Variants in AKAP7 observed in about 807,000 individuals in gnomAD.
AKAP7 encodes A-kinase anchoring protein 7.
A neutral mutation model predicts 39.5 loss-of-function variants in AKAP7; 39 were observed. That is an observed-to-expected ratio of 0.99 (90% CI 0.76 to 1.29). AKAP7 has a LOEUF of 1.29. Among genes scored for constraint, AKAP7 ranks in the 50% most tolerant of loss-of-function variants. AKAP7 has a pLI of 0.00. For missense variants in AKAP7, 414 were observed against 407.7 expected, an observed-to-expected ratio of 1.02 and a Z score of -0.13; for synonymous variants, 140 against 139.1, an observed-to-expected ratio of 1.01 and a Z score of -0.05.
Position 131,199,554 on chromosome 6 carries a change from C to G in AKAP7, c.683C>G (p.Ser228Ter), listed in dbSNP as rs1807312993. The G allele has an allele frequency of 6.2e-7, 1 of 1,607,200 alleles. No individual in the cohort carries two copies. The highest frequency in any genetic ancestry group is 1.3e-5 in the African/African-American group (1 of 74,756). Residue 228 changes from serine (S) to a stop codon, truncating the protein, a stop_gained, in exon 6 of 8, where the codon TCA becomes TGA. Transcript: ENST00000431975. LOFTEE classifies it high-confidence loss of function. Reference sequence around the variant, plus strand: ...TTGACCTTCATGAAGTTGTCAAAATCACCGTGGCTCCGTAAGAATGTGAGT... The same window carrying G: ...TTGACCTTCATGAAGTTGTCAAAATGACCGTGGCTCCGTAAGAATGTGAGT... ...PHLTFMKLSKSPWLRKNGVKK... is the reference protein window; with the variant it reads ...PHLTFMKLSK
intron 5 of AKAP7, among the ~76,000 whole-genome samples, chr6:131,194,934 G>A (rs940494119): frequency 2.0e-5 from 3 of 151,992 alleles, no homozygotes; most frequent in South Asian, 2.1e-4. Context: ...CATCTTTATA[G>A]GTGAAGTGTG....
At chr6:131,190,706 G>A (rs1400406732) in intron 5 of AKAP7, among the ~76,000 whole-genome samples, 2 of 151,358 alleles carry the variant, frequency 1.3e-5, no homozygotes, top group Non-Finnish European at 2.9e-5. Flanking sequence ...ATTTAAGATT[G>A]TTATAGCAAA....
intron 7 of AKAP7, among the ~76,000 whole-genome samples, chr6:131,240,105 T>G (rs1172772014): frequency 2.6e-5 from 4 of 152,242 alleles, no homozygotes; most frequent in Non-Finnish European, 5.9e-5. Flanking sequence ...TCCTTTCTGT[T>G]TGTTAGTTTT....
At chr6:131,208,758 C>T (rs951792389) in intron 6 of AKAP7, among the ~76,000 whole-genome samples, 2 of 151,840 alleles carry the variant, frequency 1.3e-5, no homozygotes, top group Non-Finnish European at 2.9e-5. Context: ...TCTTTTTTTC[C>T]CCCCATGTTA....
At chr6:131,184,479 G>T (rs1387115581) in intron 5 of AKAP7, 1 of 669,404 alleles carries the variant, frequency 1.5e-6, no homozygotes, top group Non-Finnish European at 2.8e-6. Context: ...AAGCCCAGCT[G>T]GTCATCATCT....
intron 5 of AKAP7, among the ~76,000 whole-genome samples, chr6:131,173,224 G>GA (rs1804252977): frequency 6.7e-6 from 1 of 149,914 alleles, no homozygotes; most frequent in African/African-American, 2.4e-5. Context: ...AAAGAAAAAA[G>GA]AAAAAATTCT....
chr6:131,260,453 C>T (rs199883497), intron 7 of AKAP7, among the ~76,000 whole-genome samples: 13 of 152,144 alleles, frequency 8.5e-5, no homozygotes, highest in East Asian at 3.8e-4. Flanking sequence ...TCTCCAGCCT[C>T]GCCAGCATCT....
chr6:131,183,720 A>G (rs370050721), intron 5 of AKAP7, among the ~76,000 whole-genome samples: 1 of 152,104 alleles, frequency 6.6e-6, no homozygotes, highest in African/African-American at 2.4e-5. Flanking sequence ...GTGGACTGGG[A>G]CAGGGCAGAG....
intron 5 of AKAP7, chr6:131,184,779 G>T: frequency 1.5e-6 from 2 of 1,302,238 alleles, no homozygotes; most frequent in Non-Finnish European, 2.2e-6. Flanking sequence ...AGTCTTCTTT[G>T]TCCTCGCCCT....
intron 2 of AKAP7, among the ~76,000 whole-genome samples, chr6:131,152,114 T>C (rs1447053167): frequency 6.6e-6 from 1 of 152,192 alleles, no homozygotes; most frequent in Non-Finnish European, 1.5e-5. Flanking sequence ...TTACTACACA[T>C]TAAAATGGCT....
intron 5 of AKAP7, chr6:131,184,732 T>C (rs1208780305): frequency 5.4e-6 from 5 of 925,724 alleles, no homozygotes; most frequent in Non-Finnish European, 7.2e-6. Flanking sequence ...GGATTTCTGT[T>C]CCTCAGACCT....
intron 3 of AKAP7, among the ~76,000 whole-genome samples, chr6:131,163,985 T>C (rs1211526894): frequency 6.6e-6 from 1 of 151,948 alleles, no homozygotes; most frequent in Non-Finnish European, 1.5e-5. Flanking sequence ...AAAGTTTTGG[T>C]CAAAGGAGAG....
rs1197403902 is a variant in AKAP7, at chr6:131,169,142, CA to C, written c.459del (p.Phe154SerfsTer2). On this transcript the variant is annotated frameshift_variant, in exon 5 of 8. Coordinates refer to ENST00000431975, the MANE Select transcript of AKAP7 (RefSeq NM_016377.4). LOFTEE classifies it high-confidence loss of function. ...ATTGATGCTCTTTTGGAATTGAAAC[CA>C]TTCATAGAAGAACTCCTCCAGGGAA... ...IGIDALLELKPFIEELLQGKH... is the reference protein window; with the variant it reads ...IGIDALLELKXFIEELLQGKH... The C allele has an allele frequency of 6.2e-7, 1 of 1,612,854 alleles. No homozygotes were observed. The highest frequency in any genetic ancestry group is 8.5e-7 in the Non-Finnish European group (1 of 1,179,104).
intron 5 of AKAP7, chr6:131,184,970 A>G (rs548161262): frequency 9.6e-5 from 74 of 774,014 alleles, no homozygotes; most frequent in Non-Finnish European, 1.6e-4. Context: ...GCTTGGGAGC[A>G]TCTTCACAGT....
At chr6:131,256,284 C>T (rs1016995362) in intron 7 of AKAP7, among the ~76,000 whole-genome samples, 3 of 152,054 alleles carry the variant, frequency 2.0e-5, no homozygotes, top group African/African-American at 7.2e-5. Flanking sequence ...TTAGATTTTC[C>T]CTTTATTAAA....
chr6:131,257,979 C>T (rs143120026), intron 7 of AKAP7, among the ~76,000 whole-genome samples: 1 of 152,284 alleles, frequency 6.6e-6, no homozygotes, highest in African/African-American at 2.4e-5. Flanking sequence ...ACAATTAATA[C>T]ACTTTTTTTG....
chr6:131,194,487 A>G (rs1157008962), intron 5 of AKAP7, among the ~76,000 whole-genome samples: 1 of 152,230 alleles, frequency 6.6e-6, no homozygotes, highest in African/African-American at 2.4e-5. Context: ...ATGTGAGGAA[A>G]AGAATGTGTA....
chr6:131,259,047 C>G (rs1813094206), intron 7 of AKAP7, among the ~76,000 whole-genome samples: 1 of 152,164 alleles, frequency 6.6e-6, no homozygotes, highest in Non-Finnish European at 1.5e-5. Flanking sequence ...TGGCTCAGAG[C>G]CCCTCCCCGG....
intron 7 of AKAP7, among the ~76,000 whole-genome samples, chr6:131,227,652 C>T (rs575325345): frequency 6.6e-6 from 1 of 152,186 alleles, no homozygotes; most frequent in South Asian, 2.1e-4. Flanking sequence ...CAAAGATCTC[C>T]ATTGACATGG....
Sources: gnomAD v4.1 joint callset for allele counts (sites outside exome capture counted in the v4.1 genomes callset) on GRCh38, gnomAD v4.1.1 for gene constraint, MANE v1.5 for transcripts, NCBI Gene and HGNC (gene_info 2026-07-23, HGNC 2026-07-21) for gene names.